Variants in CACNB4 observed in about 807,000 individuals in gnomAD.
The protein encoded by CACNB4 is voltage-dependent L-type calcium channel subunit beta-4.
A neutral mutation model predicts 71.2 loss-of-function variants in CACNB4; 32 were observed. The ratio of observed to expected loss-of-function variants is 0.45; its 90% CI spans 0.34 to 0.60. The LOEUF is 0.60. Ranked by LOEUF, CACNB4 falls within the 20% of genes least tolerant of loss-of-function variation. The probability of loss-of-function intolerance (pLI) is 0.01; values close to 1 mark genes in which losing one functional copy is unlikely to be tolerated. For synonymous variants in CACNB4, 231 were observed against 236.9 expected (o/e 0.97, Z 0.23); for missense variants, 464 against 647.9 (o/e 0.72, Z 3.08).
intron 2 of CACNB4, among the ~76,000 whole-genome samples, chr2:151,894,667 C>T (rs746276196): frequency 4.6e-5 from 7 of 152,150 alleles, no homozygotes; most frequent in South Asian, 2.1e-4. Flanking sequence ...AACCTAAAGA[C>T]GCCACCAAAA....
intron 2 of CACNB4, among the ~76,000 whole-genome samples, chr2:152,051,030 A>G (rs1337203065): frequency 6.6e-6 from 1 of 151,932 alleles, no homozygotes; most frequent in Non-Finnish European, 1.5e-5. Context: ...CGGCCTCCCA[A>G]GTGCTGGGAT....
At chr2:151,961,439 G>A (rs2099869621) in intron 2 of CACNB4, among the ~76,000 whole-genome samples, 1 of 152,202 alleles carries the variant, frequency 6.6e-6, no homozygotes, top group Admixed American at 6.5e-5. Flanking sequence ...TTGAAGTGCT[G>A]AAGGTCTTCG....
At chr2:151,935,427 C>T (rs1274856472) in intron 2 of CACNB4, among the ~76,000 whole-genome samples, 2 of 152,120 alleles carry the variant, frequency 1.3e-5, no homozygotes, top group East Asian at 1.9e-4. Flanking sequence ...AGCATGAGGC[C>T]GAATTCATGG....
At chr2:151,853,392 A>C (rs2099839532) in intron 12 of CACNB4, 56 bp downstream of exon 12, 12 of 989,116 alleles carry the variant, frequency 1.2e-5, no homozygotes, top group African/African-American at 1.7e-5. Context: ...AGAAAAAAAA[A>C]CCCACCCTCT....
chr2:151,956,768 G>A (rs2151682110), intron 2 of CACNB4, among the ~76,000 whole-genome samples: 1 of 152,280 alleles, frequency 6.6e-6, no homozygotes, highest in African/African-American at 2.4e-5. Context: ...TAGGCGAGGA[G>A]GGAGACTAAC....
At chr2:151,950,665 CATGG>C (rs1464333789) in intron 2 of CACNB4, among the ~76,000 whole-genome samples, 15 of 152,232 alleles carry the variant, frequency 9.9e-5, no homozygotes, top group African/African-American at 3.6e-4. Context: ...CATACTCTGA[CATGG>C]ATGAACCTTG....
chr2:151,870,472 A>G (rs1578549271), intron 8 of CACNB4, 59 bp downstream of exon 8: 2 of 1,410,312 alleles, frequency 1.4e-6, no homozygotes, highest in Non-Finnish European at 2.0e-6. Context: ...GCAAGCGTCA[A>G]CATGACTGTC....
chr2:151,886,056 T>C (rs534419006), intron 2 of CACNB4, among the ~76,000 whole-genome samples: 24 of 152,156 alleles, frequency 1.6e-4, no homozygotes, highest in Non-Finnish European at 3.4e-4. Flanking sequence ...CAGGTGATCT[T>C]CCTGCCTCGG....
Position 151,880,927 on chromosome 2 carries a change from G to A in CACNB4, c.268-5C>T, listed in dbSNP as rs761518147. On this transcript the variant is annotated splice_region_variant and splice_polypyrimidine_tract_variant and intron_variant, in intron 3 of 13. Coordinates refer to ENST00000539935, the MANE Select transcript of CACNB4 (RefSeq NM_000726.5). ...GGCAAATGCTACAGGTTTGGACTAG[G>A]GACAGAACCATGGAATAAGGAATGA... The A allele has an allele frequency of 6.3e-7, 1 of 1,599,732 alleles. No individual in the cohort carries two copies. The highest frequency in any genetic ancestry group is 1.1e-5 in the South Asian group (1 of 88,626).
chr2:152,053,522 A>ATTT (rs200394309), intron 2 of CACNB4, among the ~76,000 whole-genome samples: 5 of 137,934 alleles, frequency 3.6e-5, no homozygotes, highest in Admixed American at 7.3e-5. Context: ...TGCTCTAGGA[A>ATTT]TTTTTTTTTT....
intron 2 of CACNB4, among the ~76,000 whole-genome samples, chr2:151,998,070 C>T (rs1417841926): frequency 1.3e-5 from 2 of 152,096 alleles, no homozygotes. Context: ...TGTCTGTAAT[C>T]CCAGCACTTT....
chr2:151,855,668 A>C (rs1410753571), intron 10 of CACNB4, among the ~76,000 whole-genome samples: 1 of 152,170 alleles, frequency 6.6e-6, no homozygotes, highest in Non-Finnish European at 1.5e-5. Flanking sequence ...GTTGTTTTTG[A>C]TTGTTGTTTT....
intron 2 of CACNB4, among the ~76,000 whole-genome samples, chr2:152,019,026 G>A (rs1485675566): frequency 6.6e-6 from 1 of 152,138 alleles, no homozygotes; most frequent in African/African-American, 2.4e-5. Flanking sequence ...TGGGGGCCAG[G>A]AGAGGGGAAT....
chr2:151,892,036 T>C (rs2099850833), intron 2 of CACNB4, among the ~76,000 whole-genome samples: 1 of 152,176 alleles, frequency 6.6e-6, no homozygotes, highest in Non-Finnish European at 1.5e-5. Flanking sequence ...CTGCTCAAGC[T>C]GCACTAATCT....
chr2:151,999,954 T>C (rs188926856), intron 2 of CACNB4, among the ~76,000 whole-genome samples: 52 of 152,326 alleles, frequency 3.4e-4, no homozygotes, highest in African/African-American at 1.2e-3. Context: ...TTGAAAGCCA[T>C]CTGAGCAAAC....
At chr2:151,996,265 C>T (rs1682036283) in intron 2 of CACNB4, among the ~76,000 whole-genome samples, 1 of 152,164 alleles carries the variant, frequency 6.6e-6, no homozygotes, top group Admixed American at 6.5e-5. Context: ...TCAAACACAG[C>T]AAAGTCAAGG....
chr2:151,929,715 A>G (rs1578842166), intron 2 of CACNB4, among the ~76,000 whole-genome samples: 1 of 152,216 alleles, frequency 6.6e-6, no homozygotes. Flanking sequence ...GTTAAAACTA[A>G]TAGTTTCCTT....
At chr2:151,887,741 C>T (rs1417637236) in intron 2 of CACNB4, among the ~76,000 whole-genome samples, 2 of 152,176 alleles carry the variant, frequency 1.3e-5, no homozygotes, top group African/African-American at 4.8e-5. Flanking sequence ...TCCTAATTTC[C>T]TCCGTTAGAA....
chr2:151,944,259 C>G (rs1470891978), intron 2 of CACNB4, among the ~76,000 whole-genome samples: 3 of 151,996 alleles, frequency 2.0e-5, no homozygotes, highest in Non-Finnish European at 4.4e-5. Context: ...AGGCTTGTCT[C>G]AAATTCCTGG....
Sources: gnomAD v4.1 joint callset for allele counts (sites outside exome capture counted in the v4.1 genomes callset) on GRCh38, gnomAD v4.1.1 for gene constraint, MANE v1.5 for transcripts, NCBI Gene and HGNC (gene_info 2026-07-23, HGNC 2026-07-21) for gene names.